The following PINX1 variants were observed in gnomAD, a reference collection of about 807,000 sequenced individuals.
PINX1 encodes the protein PIN2 (TERF1) interacting telomerase inhibitor 1.
A neutral mutation model predicts 25.4 loss-of-function variants in PINX1; 34 were observed. The ratio of observed to expected loss-of-function variants is 1.34; its 90% CI spans 1.02 to 1.78. PINX1 has a LOEUF of 1.78. Among genes scored for constraint, PINX1 ranks in the 40% most tolerant of loss-of-function variants. The pLI, the probability that PINX1 is intolerant of heterozygous loss-of-function variation, is 0.00. For synonymous variants in PINX1, 197 were observed against 147.7 expected (o/e 1.33, Z -2.42); for missense variants, 592 against 404.9 (o/e 1.46, Z -3.97).
intron 5 of PINX1, chr8:10,825,382 A>G: frequency 1.9e-6 from 1 of 534,840 alleles, no homozygotes. Flanking sequence ...TTACAGCATC[A>G]GCAGCATCAT....
chr8:10,816,669 G>T (rs759598246), intron 6 of PINX1, among the ~76,000 whole-genome samples: 1 of 152,166 alleles, frequency 6.6e-6, no homozygotes, highest in Non-Finnish European at 1.5e-5. Flanking sequence ...ACAAAGTTAC[G>T]ATACAGCATC....
chr8:10,768,582 T>C (rs1015356323), intron 6 of PINX1, among the ~76,000 whole-genome samples: 3 of 152,212 alleles, frequency 2.0e-5, no homozygotes, highest in African/African-American at 7.2e-5. Context: ...CAAGTCCTAC[T>C]TCTTCCCAGC....
chr8:10,796,603 A>G (rs139538121), intron 6 of PINX1, among the ~76,000 whole-genome samples: 89 of 152,272 alleles, frequency 5.8e-4, no homozygotes, highest in Admixed American at 7.2e-4. Flanking sequence ...AAAATATGGG[A>G]AGTCCTAGAA....
At chr8:10,812,776 C>A (rs1369045159) in intron 6 of PINX1, among the ~76,000 whole-genome samples, 1 of 152,226 alleles carries the variant, frequency 6.6e-6, no homozygotes, top group African/African-American at 2.4e-5. Flanking sequence ...AGCTACAAGT[C>A]TGTTGCTTTC....
At chr8:10,780,432 C>G (rs1198857484) in intron 6 of PINX1, among the ~76,000 whole-genome samples, 1 of 152,068 alleles carries the variant, frequency 6.6e-6, no homozygotes, top group African/African-American at 2.4e-5. Flanking sequence ...ATAAAGGATG[C>G]TGAATGCTTT....
intron 6 of PINX1, among the ~76,000 whole-genome samples, chr8:10,771,950 G>C (rs907150074): frequency 3.5e-4 from 54 of 152,182 alleles, no homozygotes; most frequent in Non-Finnish European, 7.1e-4. Context: ...ACTCAGTCCA[G>C]TGATCCATCC....
chr8:10,782,639 G>A (rs1287869999), intron 6 of PINX1, among the ~76,000 whole-genome samples: 1 of 152,130 alleles, frequency 6.6e-6, no homozygotes, highest in Non-Finnish European at 1.5e-5. Flanking sequence ...AGGAGGCTGA[G>A]GCAGCAGGAT....
At chr8:10,806,661 C>G (rs112945084) in intron 6 of PINX1, among the ~76,000 whole-genome samples, 21 of 152,300 alleles carry the variant, frequency 1.4e-4, no homozygotes, top group Middle Eastern at 3.4e-3. Context: ...GAGTGGGGAA[C>G]AGCAGCCAGT....
intron 5 of PINX1, among the ~76,000 whole-genome samples, chr8:10,822,877 T>C (rs1424184364): frequency 1.3e-5 from 2 of 152,238 alleles, no homozygotes; most frequent in African/African-American, 2.4e-5. Flanking sequence ...TTAAGGTTTA[T>C]GTAGGTAGCT....
chr8:10,765,303 C>T lies in PINX1; in HGVS notation c.*98G>A, dbSNP rs957113593. On this transcript the variant is annotated 3_prime_UTR_variant, in exon 7 of 7. Transcript: ENST00000314787. ...GGGCATGCCACAAGATGCGCCCAGG[C>T]GCTCTGGGGTGAACTCTGCTGTGAC... 4.2e-6 allele frequency: 5 copies of T among 1,187,678 alleles called. No homozygotes were observed. The highest frequency in any genetic ancestry group is 2.6e-5 in the East Asian group (1 of 39,168). 73.6% of individuals were successfully genotyped at this position (1,187,678 alleles called of 1,614,324 possible).
In PINX1 at chr8:10,765,410, A is replaced by C; in HGVS notation, c.978T>G (p.Asp326Glu). Reference sequence around the variant, plus strand: ...CCCGGCTGGGAAGGATTCATTTGGAATCTTTCTTCTTCTTCTTTTTCACTA... The same window carrying C: ...CCCGGCTGGGAAGGATTCATTTGGACTCTTTCTTCTTCTTCTTTTTCACTA... ...ETLVKKKKKK[D>E]SK The change falls in exon 7 of 7, where the codon GAT (aspartate) becomes GAG (glutamate). Residue 326 changes from aspartate to glutamate, a missense_variant. Coordinates refer to ENST00000314787, the MANE Select transcript of PINX1 (RefSeq NM_017884.6). The C allele has an allele frequency of 6.2e-7, 1 of 1,601,556 alleles. No homozygotes were observed. The highest frequency in any genetic ancestry group is 8.5e-7 in the Non-Finnish European group (1 of 1,176,300).
At chr8:10,776,558 G>A (rs969049570) in intron 6 of PINX1, among the ~76,000 whole-genome samples, 1 of 152,216 alleles carries the variant, frequency 6.6e-6, no homozygotes, top group African/African-American at 2.4e-5. Context: ...TGTCAGAATT[G>A]TACAGCCAAC....
chr8:10,797,979 C>A (rs1355488345), intron 6 of PINX1, among the ~76,000 whole-genome samples: 1 of 152,142 alleles, frequency 6.6e-6, no homozygotes, highest in East Asian at 1.9e-4. Flanking sequence ...TTCACTCTAT[C>A]AGAAATAAAG....
chr8:10,766,104 T>A (rs2129069810), intron 6 of PINX1, among the ~76,000 whole-genome samples, 188 bp from the exon 7 acceptor site: 1 of 152,216 alleles, frequency 6.6e-6, no homozygotes, highest in African/African-American at 2.4e-5. Flanking sequence ...TCCCTTCTGG[T>A]CGGCCTGAAC....
chr8:10,787,837 A>T (rs755766375), intron 6 of PINX1: 1 of 456,260 alleles, frequency 2.2e-6, no homozygotes. Context: ...TGCAAAGAAA[A>T]AAGAGAGAAG....
chr8:10,786,917 C>T (rs11990229), intron 6 of PINX1, among the ~76,000 whole-genome samples: 16 of 152,186 alleles, frequency 1.1e-4, no homozygotes, highest in Middle Eastern at 3.4e-3. Context: ...CATGTCTATT[C>T]GACTGTCTTT....
intron 6 of PINX1, among the ~76,000 whole-genome samples, chr8:10,782,591 C>G (rs756241746): frequency 1.7e-4 from 26 of 152,064 alleles, no homozygotes; most frequent in African/African-American, 6.3e-4. Flanking sequence ...CAAAAATTAG[C>G]TGGGCGTGGT....
chr8:10,766,904 G>A (rs1801068162), intron 6 of PINX1, among the ~76,000 whole-genome samples: 1 of 152,204 alleles, frequency 6.6e-6, no homozygotes. Flanking sequence ...GCAGTAAGGT[G>A]AGGAGGAGTG....
chr8:10,832,688 A>G (rs1798257864), intron 3 of PINX1, among the ~76,000 whole-genome samples: 4 of 152,244 alleles, frequency 2.6e-5, no homozygotes. Flanking sequence ...AAAGGGAACA[A>G]TGATACTAAA....
Sources: gnomAD v4.1 joint callset for allele counts (sites outside exome capture counted in the v4.1 genomes callset) on GRCh38, gnomAD v4.1.1 for gene constraint, MANE v1.5 for transcripts, NCBI Gene and HGNC (gene_info 2026-07-23, HGNC 2026-07-21) for gene names.